ZNF143: variants seen among roughly 807,000 people sequenced by gnomAD.
The protein encoded by ZNF143 is SPH-binding factor.
ZNF143 carries 49 observed loss-of-function variants against 74.1 expected under a neutral mutation model. The observed-to-expected ratio is 0.66, with a 90% CI of 0.53 to 0.84. ZNF143 has a LOEUF of 0.84. Ranked by LOEUF, ZNF143 falls within the 40% of genes least tolerant of loss-of-function variation. The probability of loss-of-function intolerance (pLI) is 0.00; values close to 1 mark genes in which losing one functional copy is unlikely to be tolerated. For synonymous variants in ZNF143, 304 were observed against 282.8 expected (o/e 1.07, Z -0.75); for missense variants, 637 against 793.4 (o/e 0.80, Z 2.37).
At chr11:9,467,085 G>C (rs1388174012) in intron 1 of ZNF143, among the ~76,000 whole-genome samples, 2 of 151,368 alleles carry the variant, frequency 1.3e-5, no homozygotes, top group Admixed American at 1.3e-4. Context: ...GTAGAGACGG[G>C]GTTTCACCGT....
chr11:9,467,573 C>T (rs1035050404), intron 1 of ZNF143, among the ~76,000 whole-genome samples: 3 of 152,028 alleles, frequency 2.0e-5, no homozygotes, highest in East Asian at 1.9e-4. Flanking sequence ...GGCTGGCTGG[C>T]GCAATGGCTC....
intron 5 of ZNF143, among the ~76,000 whole-genome samples, chr11:9,477,890 A>T (rs986390481): frequency 1.4e-4 from 22 of 152,052 alleles, no homozygotes; most frequent in Non-Finnish European, 3.1e-4. Flanking sequence ...CAGTGGCACG[A>T]TCTTGGCTCA....
intron 8 of ZNF143, among the ~76,000 whole-genome samples, chr11:9,495,340 C>T (rs1847923023): frequency 6.6e-6 from 1 of 152,150 alleles, no homozygotes; most frequent in African/African-American, 2.4e-5. Flanking sequence ...ACTCGGGAGG[C>T]TGAGACAGGA....
At chr11:9,479,659 C>A (rs1847161420) in intron 7 of ZNF143, 113 bp downstream of exon 7, 2 of 792,246 alleles carry the variant, frequency 2.5e-6, no homozygotes, top group Non-Finnish European at 4.0e-6. Context: ...CTCACCAGTT[C>A]AGAAAAACAA....
intron 7 of ZNF143, among the ~76,000 whole-genome samples, chr11:9,489,599 C>T (rs952541127): frequency 3.3e-5 from 5 of 152,074 alleles, no homozygotes; most frequent in African/African-American, 7.2e-5. Flanking sequence ...ATAAATTGGC[C>T]TAGGAGGAAG....
intron 5 of ZNF143, among the ~76,000 whole-genome samples, chr11:9,477,111 AC>A: frequency 1.6e-5 from 2 of 121,566 alleles, no homozygotes; most frequent in Non-Finnish European, 3.5e-5. Flanking sequence ...TAAAGTCTGC[AC>A]CCCTTCCTTC....
intron 1 of ZNF143, among the ~76,000 whole-genome samples, chr11:9,470,716 A>G (rs1187930031): frequency 1.3e-5 from 2 of 152,206 alleles, no homozygotes; most frequent in African/African-American, 4.8e-5. Context: ...ACTCTGAGAA[A>G]GTCCTCAGAA....
intron 14 of ZNF143, among the ~76,000 whole-genome samples, chr11:9,519,425 C>T (rs1234392322): frequency 6.6e-6 from 1 of 152,130 alleles, no homozygotes; most frequent in African/African-American, 2.4e-5. Context: ...GGATTACAGG[C>T]GTGAGCCACC....
At chr11:9,514,506 A>G (rs1199236445) in intron 13 of ZNF143, among the ~76,000 whole-genome samples, 1 of 152,200 alleles carries the variant, frequency 6.6e-6, no homozygotes, top group Non-Finnish European at 1.5e-5. Flanking sequence ...CCCTTTTAGA[A>G]TGAATAATTT....
At chr11:9,479,138 CT>C (rs1226099318) in intron 6 of ZNF143, among the ~76,000 whole-genome samples, 1 of 151,462 alleles carries the variant, frequency 6.6e-6, no homozygotes, top group Non-Finnish European at 1.5e-5. Context: ...TTTTATTTCA[CT>C]TTTGTTAGGG....
chr11:9,503,067 G>C (rs988922860), intron 11 of ZNF143, among the ~76,000 whole-genome samples: 3 of 152,082 alleles, frequency 2.0e-5, no homozygotes, highest in Non-Finnish European at 4.4e-5. Context: ...TCCTGACCTC[G>C]TGATCCACCT....
At chr11:9,464,578 G>A (rs868725750) in intron 1 of ZNF143, among the ~76,000 whole-genome samples, 3 of 151,928 alleles carry the variant, frequency 2.0e-5, no homozygotes, top group African/African-American at 7.3e-5. Context: ...TCCAGCCTGG[G>A]GGACAGAACA....
At chr11:9,467,516 G>A (rs1856310794) in intron 1 of ZNF143, among the ~76,000 whole-genome samples, 1 of 152,048 alleles carries the variant, frequency 6.6e-6, no homozygotes, top group African/African-American at 2.4e-5. Flanking sequence ...GATTATAGGT[G>A]TGAGCCACCA....
In ZNF143 at chr11:9,527,620, G is replaced by A. The variant is rs1376747474; in HGVS notation, c.*7G>A. 6.2e-7 allele frequency: 1 copy of A among 1,612,492 alleles called. No individual in the cohort carries two copies. Among genetic ancestry groups the A allele is most frequent in the South Asian group, 1.1e-5 (1 of 91,006 alleles). The stretch of plus-strand genomic sequence containing the variant: ...GCCAGGGTTGGATGATTAATCCTCA[G>A]AACAATGGAGCAATAAAGCAGAAGG... On this transcript the variant is annotated 3_prime_UTR_variant, in exon 16 of 16. Coordinates refer to ENST00000396602, the MANE Select transcript of ZNF143 (RefSeq NM_003442.6).
At chr11:9,482,294 G>T (rs866377558) in intron 7 of ZNF143, among the ~76,000 whole-genome samples, 2 of 139,994 alleles carry the variant, frequency 1.4e-5, no homozygotes, top group African/African-American at 5.5e-5. Flanking sequence ...TTTTTAAGAC[G>T]GTGTCTCGCT....
At chr11:9,469,319 C>G (rs892221031) in intron 1 of ZNF143, among the ~76,000 whole-genome samples, 1 of 150,514 alleles carries the variant, frequency 6.6e-6, no homozygotes, top group African/African-American at 2.5e-5. Flanking sequence ...GCAACCTCCA[C>G]CTCCCGGGTT....
intron 7 of ZNF143, among the ~76,000 whole-genome samples, chr11:9,483,620 T>C (rs1291085140): frequency 6.6e-6 from 1 of 150,824 alleles, no homozygotes; most frequent in East Asian, 1.9e-4. Context: ...TATTTATTTT[T>C]TGAGACTGAG....
At chr11:9,475,910 ATGTGTGTGTGTGTGTGTGTGTGTGTG>A (rs61636956) in intron 5 of ZNF143, among the ~76,000 whole-genome samples, 4 of 137,288 alleles carry the variant, frequency 2.9e-5, no homozygotes, top group Non-Finnish European at 4.7e-5. Flanking sequence ...AAAAATATAT[ATGTGTGTGTGTGTGTGTGTGTGTGTG>A]TGTGTGTGTG....
Position 9,525,293 on chromosome 11 carries a change from G to A in ZNF143, c.1740G>A (p.Met580Ile). 1.2e-6 allele frequency: 2 copies of A among 1,614,162 alleles called. No individual in the cohort carries two copies. Among genetic ancestry groups the A allele is most frequent in the Non-Finnish European group, 1.7e-6 (2 of 1,180,032 alleles). The change falls in exon 15 of 16, where the codon ATG (methionine) becomes ATA (isoleucine). Residue 580 changes from methionine (M) to isoleucine (I), a missense_variant. By Grantham distance (10) the Met-to-Ile change is conservative (BLOSUM62 1). Coordinates refer to ENST00000396602, the MANE Select transcript of ZNF143 (RefSeq NM_003442.6). ...LAAFHTASSE[M>I]GHQQHSHHLV... is the part of the protein sequence containing the mutation. ...CATTCCATACTGCCTCATCAGAAATGGGGCACCAGCAGCATAGCCATCACT... is the reference window on the plus strand; with the variant it reads ...CATTCCATACTGCCTCATCAGAAATAGGGCACCAGCAGCATAGCCATCACT...
Sources: gnomAD v4.1 joint callset for allele counts (sites outside exome capture counted in the v4.1 genomes callset) on GRCh38, gnomAD v4.1.1 for gene constraint, MANE v1.5 for transcripts, NCBI Gene and HGNC (gene_info 2026-07-23, HGNC 2026-07-21) for gene names.